DLGAP2: variants seen among roughly 807,000 people sequenced by gnomAD.
The protein encoded by DLGAP2 is disks large-associated protein 2.
In DLGAP2, 26 loss-of-function variants were observed where a neutral mutation model predicts 100.3. The ratio of observed to expected loss-of-function variants is 0.26; its 90% confidence interval spans 0.19 to 0.36. DLGAP2 has a LOEUF of 0.36. Among genes scored for constraint, DLGAP2 ranks in the 10% least tolerant of loss-of-function variants. DLGAP2 has a pLI of 1.00. For missense variants in DLGAP2, 1,858 were observed against 1,453.2 expected, an observed-to-expected ratio of 1.28 and a Z score of -4.53; for synonymous variants, 886 against 630.1, an observed-to-expected ratio of 1.41 and a Z score of -6.08.
At position 817,477 on chromosome 8, in the gene DLGAP2, C is replaced by T. The variant is rs192218969; in HGVS notation, c.18+79652C>T. Among the ~76,000 whole-genome samples, 872 of 152,280 alleles carry T rather than the reference C, an allele frequency of 5.7e-3. 5 individuals are homozygous for T. Among genetic ancestry groups the T allele is most frequent in the Non-Finnish European group, 8.1e-3 (549 of 68,010 alleles). Reference sequence around the variant, plus strand: ...TATTTTTCTGGCAATTCAGAGATTTCTTCTTGGTTTGGATCCATTGCTGGT... The same window carrying T: ...TATTTTTCTGGCAATTCAGAGATTTTTTCTTGGTTTGGATCCATTGCTGGT... On this transcript the variant is annotated intron_variant, in intron 1 of 14. Coordinates refer to ENST00000637795, the MANE Select transcript of DLGAP2 (RefSeq NM_001346810.2).
chr8:1,492,504 G>A (rs991285438), intron 3 of DLGAP2, among the ~76,000 whole-genome samples: 1 of 152,232 alleles, frequency 6.6e-6, no homozygotes, highest in Non-Finnish European at 1.5e-5. Context: ...AGCGTTCCCT[G>A]TGCGTTCCGG....
chr8:1,380,994 T>C (rs1305935148), intron 3 of DLGAP2: 1 of 149,842 alleles, frequency 6.7e-6, no homozygotes, highest in Non-Finnish European at 1.5e-5. Flanking sequence ...AAGGTTATTC[T>C]TTACATTTGA....
At chr8:1,562,718 C>T (rs1289410804) in intron 5 of DLGAP2, among the ~76,000 whole-genome samples, 15 of 19,568 alleles carry the variant, frequency 7.7e-4, no homozygotes, top group Non-Finnish European at 7.9e-4. Context: ...TTGGGGTGTC[C>T]GCGCCTCGTT....
At chr8:1,618,432 A>T (rs369616126) in intron 6 of DLGAP2, among the ~76,000 whole-genome samples, 2 of 152,210 alleles carry the variant, frequency 1.3e-5, no homozygotes, top group Non-Finnish European at 2.9e-5. Flanking sequence ...ATGCATTGGA[A>T]GTCTCAGTAA....
intron 3 of DLGAP2, among the ~76,000 whole-genome samples, chr8:1,309,541 C>T (rs759250017): frequency 6.6e-6 from 1 of 152,134 alleles, no homozygotes; most frequent in African/African-American, 2.4e-5. Context: ...AAGACATTCC[C>T]AGATAAACGG....
At chr8:1,425,372 G>A (rs914572968) in intron 3 of DLGAP2, among the ~76,000 whole-genome samples, 2 of 152,164 alleles carry the variant, frequency 1.3e-5, no homozygotes, top group African/African-American at 4.8e-5. Context: ...TTCCCCGGGA[G>A]GCCAGCCAGG....
At chr8:1,392,730 C>G (rs879811093) in intron 3 of DLGAP2, among the ~76,000 whole-genome samples, 12 of 152,172 alleles carry the variant, frequency 7.9e-5, no homozygotes, top group Non-Finnish European at 1.6e-4. Flanking sequence ...AGTGCCAGAC[C>G]TTTGCCAGGT....
At chr8:866,474 C>G (rs1348170724) in intron 1 of DLGAP2, among the ~76,000 whole-genome samples, 2 of 152,178 alleles carry the variant, frequency 1.3e-5, no homozygotes, top group Admixed American at 1.3e-4. Flanking sequence ...CAGTTCCCGT[C>G]TGCATAGGGT....
intron 1 of DLGAP2, among the ~76,000 whole-genome samples, chr8:771,124 G>A (rs984705626): frequency 6.6e-6 from 1 of 152,076 alleles, no homozygotes; most frequent in African/African-American, 2.4e-5. Flanking sequence ...ATCAAGTAGT[G>A]ATTGTAAAAT....
At chr8:1,019,987 A>G (rs997467578) in intron 2 of DLGAP2, among the ~76,000 whole-genome samples, 2 of 152,230 alleles carry the variant, frequency 1.3e-5, no homozygotes, top group Non-Finnish European at 2.9e-5. Flanking sequence ...ACTTTGGTTC[A>G]GTATTTTATT....
intron 2 of DLGAP2, among the ~76,000 whole-genome samples, chr8:1,017,711 G>T (rs1448829195): frequency 6.6e-6 from 1 of 152,186 alleles, no homozygotes; most frequent in Non-Finnish European, 1.5e-5. Context: ...CATACCCAGG[G>T]CTGTAGAAGC....
chr8:871,673 G>T (rs1055269234), intron 1 of DLGAP2, among the ~76,000 whole-genome samples: 6 of 151,924 alleles, frequency 3.9e-5, no homozygotes, highest in Admixed American at 3.3e-4. Context: ...CATTCAACCA[G>T]ATAAGTATAG....
intron 3 of DLGAP2, among the ~76,000 whole-genome samples, chr8:1,358,014 C>G (rs1439753522): frequency 1.3e-5 from 2 of 152,142 alleles, no homozygotes; most frequent in African/African-American, 4.8e-5. Context: ...CTTGACAAAC[C>G]AAATGGAGGA....
intron 2 of DLGAP2, among the ~76,000 whole-genome samples, chr8:1,181,907 C>T (rs1220085829): frequency 6.6e-6 from 1 of 152,184 alleles, no homozygotes; most frequent in Non-Finnish European, 1.5e-5. Context: ...GGACGCATTT[C>T]TCCTGTTCCT....
chr8:1,560,168 C>A (rs1458703986), intron 5 of DLGAP2, among the ~76,000 whole-genome samples: 1 of 152,222 alleles, frequency 6.6e-6, no homozygotes, highest in African/African-American at 2.4e-5. Context: ...TAATCTTCAT[C>A]TCCTAGTGAC....
intron 1 of DLGAP2, among the ~76,000 whole-genome samples, chr8:769,739 C>T (rs1821307550): frequency 6.6e-6 from 1 of 152,156 alleles, no homozygotes; most frequent in South Asian, 2.1e-4. Flanking sequence ...CTCCTAGGGA[C>T]ACGAGCCTCT....
At position 1,084,633 on chromosome 8, in the gene DLGAP2, CTT is replaced by C. The variant is rs534078305; in HGVS notation, c.74-174216_74-174215del. ...TTAAGTGAGAACATTCAGTATTTGT[CTT>C]TCTGTGCCTGGCTTCTTTCAGTTAG... On this transcript the variant is annotated intron_variant, in intron 2 of 14. Coordinates refer to ENST00000637795, the MANE Select transcript of DLGAP2 (RefSeq NM_001346810.2). Among the ~76,000 whole-genome samples the C allele has an allele frequency of 6.2e-3, 952 of 152,340 alleles. 14 individuals are homozygous for C. Among genetic ancestry groups the C allele is most frequent in the African/African-American group, 0.021 (860 of 41,574 alleles).
intron 5 of DLGAP2, among the ~76,000 whole-genome samples, chr8:1,551,414 C>T (rs1801762314): frequency 6.6e-6 from 1 of 152,150 alleles, no homozygotes; most frequent in Admixed American, 6.5e-5. Context: ...CCAGGTTTTG[C>T]CCCAGGGTCA....
chr8:787,636 G>A (rs895890581), intron 1 of DLGAP2, among the ~76,000 whole-genome samples: 11 of 152,194 alleles, frequency 7.2e-5, no homozygotes, highest in African/African-American at 2.7e-4. Context: ...CCACCAGCCG[G>A]TGGCCTCTTC....
Sources: allele counts gnomAD v4.1 joint callset (sites outside exome capture counted in the v4.1 genomes callset), GRCh38; gene constraint gnomAD v4.1.1; transcripts MANE v1.5; gene names NCBI Gene and HGNC (gene_info 2026-07-23, HGNC 2026-07-21).